SCG5: variants seen among roughly 807,000 people sequenced by gnomAD.
The protein encoded by SCG5 is neuroendocrine protein 7B2.
SCG5 carries 18 observed loss-of-function variants against 25.7 expected under a neutral mutation model. That is an observed-to-expected ratio of 0.70 (90% CI 0.48 to 1.04). The LOEUF is 1.04. SCG5 is among the 50% of genes least tolerant of loss of function. The pLI, the probability that SCG5 is intolerant of heterozygous loss-of-function variation, is 0.00. For synonymous variants in SCG5, 101 were observed against 91.7 expected (o/e 1.10, Z -0.58); for missense variants, 206 against 259.8 (o/e 0.79, Z 1.42).
At chr15:32,660,933 A>G (rs1318651061) in intron 2 of SCG5, among the ~76,000 whole-genome samples, 1 of 152,250 alleles carries the variant, frequency 6.6e-6, no homozygotes, top group Non-Finnish European at 1.5e-5. Flanking sequence ...TAATTGAGAT[A>G]TAATTTAAAG....
chr15:32,643,681 G>C lies in SCG5; in HGVS notation c.89G>C (p.Arg30Pro), dbSNP rs373839348. Residue 30 changes from arginine (R) to proline (P), a missense_variant, in exon 2 of 6, where the codon CGG becomes CCG. Coordinates refer to ENST00000300175, the MANE Select transcript of SCG5 (RefSeq NM_001144757.3). ...ACTCCAGCATTTGCTTACAGCCCCC[G>C]GACCCCTGACCGGGTCTCAGAAGCA... ...GWTPAFAYSP[R>P]TPDRVSEADI... 4 of 1,613,842 alleles carry C rather than the reference G, an allele frequency of 2.5e-6. No individual in the cohort carries two copies. In the Admixed American group the frequency reaches 6.7e-5, roughly 27 times the overall value.
chr15:32,680,856 G>T (rs2054607945), intron 3 of SCG5, among the ~76,000 whole-genome samples: 1 of 152,162 alleles, frequency 6.6e-6, no homozygotes, highest in Non-Finnish European at 1.5e-5. Flanking sequence ...CTTACATCCG[G>T]CTTTGAGCAG....
chr15:32,656,902 C>T (rs1356895951), intron 2 of SCG5, among the ~76,000 whole-genome samples: 7 of 151,576 alleles, frequency 4.6e-5, no homozygotes, highest in African/African-American at 1.5e-4. Flanking sequence ...GGGGCACTGG[C>T]GGTGGAGGCT....
At chr15:32,657,606 CA>C (rs2054146128) in intron 2 of SCG5, among the ~76,000 whole-genome samples, 2 of 152,066 alleles carry the variant, frequency 1.3e-5, no homozygotes, top group African/African-American at 4.8e-5. Flanking sequence ...GTGGATATAG[CA>C]GATGTCAGTG....
At chr15:32,673,789 A>T (rs1471711653) in intron 2 of SCG5, among the ~76,000 whole-genome samples, 3 of 152,122 alleles carry the variant, frequency 2.0e-5, no homozygotes, top group Non-Finnish European at 2.9e-5. Flanking sequence ...GCTGGAGTGC[A>T]GTGGCATGAT....
At chr15:32,676,026 C>T in intron 2 of SCG5, among the ~76,000 whole-genome samples, 1 of 152,236 alleles carries the variant, frequency 6.6e-6, no homozygotes, top group East Asian at 1.9e-4. Context: ...TCAATATAAC[C>T]TAAATATTAT....
intron 2 of SCG5, among the ~76,000 whole-genome samples, chr15:32,655,912 A>G (rs539952330): frequency 1.3e-5 from 2 of 152,346 alleles, no homozygotes; most frequent in Non-Finnish European, 2.9e-5. Context: ...AGCAGCCTGA[A>G]TGGACCAAGA....
At chr15:32,648,632 A>G (rs148523266) in intron 2 of SCG5, among the ~76,000 whole-genome samples, 1 of 152,012 alleles carries the variant, frequency 6.6e-6, no homozygotes, top group Non-Finnish European at 1.5e-5. Flanking sequence ...AAGGCTATCA[A>G]CACATTGGAT....
intron 5 of SCG5, among the ~76,000 whole-genome samples, chr15:32,694,167 T>C (rs554416722): frequency 6.6e-6 from 1 of 152,190 alleles, no homozygotes; most frequent in South Asian, 2.1e-4. Context: ...TATTCCTAAG[T>C]GCTGGATTCA....
At chr15:32,692,057 A>G in intron 5 of SCG5, 1 of 1,246,236 alleles carries the variant, frequency 8.0e-7, no homozygotes, top group Non-Finnish European at 1.0e-6. Context: ...TGTGGGACAT[A>G]TCTGGGGGGA....
chr15:32,693,497 C>T (rs190542683), intron 5 of SCG5, among the ~76,000 whole-genome samples: 2 of 152,326 alleles, frequency 1.3e-5, no homozygotes, highest in Admixed American at 6.5e-5. Context: ...TAAGGAAGCA[C>T]GTTGGCCCTG....
intron 5 of SCG5, among the ~76,000 whole-genome samples, chr15:32,693,270 T>A (rs2054894543): frequency 6.6e-6 from 1 of 152,178 alleles, no homozygotes; most frequent in African/African-American, 2.4e-5. Context: ...ATTTAGGTCA[T>A]TTTTCCGTGA....
intron 2 of SCG5, among the ~76,000 whole-genome samples, chr15:32,676,425 T>G (rs2054531563): frequency 6.6e-6 from 1 of 152,216 alleles, no homozygotes; most frequent in South Asian, 2.1e-4. Flanking sequence ...TTGAGCCAAG[T>G]TGGATAATTC....
chr15:32,663,068 TATATATATATAA>T (rs1487598274), intron 2 of SCG5, among the ~76,000 whole-genome samples: 4 of 53,932 alleles, frequency 7.4e-5, no homozygotes, highest in African/African-American at 2.4e-4. Context: ...TATATATATA[TATATATATATAA>T]TATATAATAT....
intron 4 of SCG5, among the ~76,000 whole-genome samples, chr15:32,690,490 C>T (rs1024452479): frequency 6.6e-6 from 1 of 152,238 alleles, no homozygotes; most frequent in Non-Finnish European, 1.5e-5. Context: ...TGCCTTTTCT[C>T]CCTTCCGATA....
Position 32,684,568 on chromosome 15 carries a change from T to C in SCG5, c.388T>C (p.Cys130Arg), listed in dbSNP as rs1205137308. ...TTGGCTGTTTGCAGCAGATGATGGA[T>C]GTCTAGAAAACACCCCTGACACTGC... ...CPVGKTADDGCLENTPDTAEF... is the reference protein window; with the variant it reads ...CPVGKTADDGRLENTPDTAEF... The change falls in exon 4 of 6, where the codon TGT becomes CGT. Residue 130 changes from cysteine (C) to arginine (R), a missense_variant. Physicochemically the swap from Cys to Arg is radical, Grantham distance 180. Transcript: ENST00000300175. 1 of 1,611,300 alleles carries C rather than the reference T, an allele frequency of 6.2e-7. No homozygotes were observed. The highest frequency in any genetic ancestry group is 8.5e-7 in the Non-Finnish European group (1 of 1,177,850).
At chr15:32,677,356 T>C (rs2054548599) in intron 2 of SCG5, among the ~76,000 whole-genome samples, 1 of 152,228 alleles carries the variant, frequency 6.6e-6, no homozygotes, top group African/African-American at 2.4e-5. Flanking sequence ...GCCAGAGTGA[T>C]GCAATGTCAC....
In SCG5 at chr15:32,696,505, G is replaced by A. The variant is rs370203883; in HGVS notation, c.544-9G>A. ...CAAACCACATGGTTTTTGTTTGTTT[G>A]TTTTTCAGAGTGTCAATCCATATCT... is the stretch of plus-strand genomic sequence containing the variant. On this transcript the variant is annotated splice_polypyrimidine_tract_variant and intron_variant, in intron 5 of 5. Transcript: ENST00000300175. 1.6e-5 allele frequency: 25 copies of A among 1,595,504 alleles called. No individual in the cohort carries two copies. Among genetic ancestry groups the A allele is most frequent in the Non-Finnish European group, 2.1e-5 (24 of 1,165,010 alleles).
chr15:32,671,871 G>T (rs972436082), intron 2 of SCG5, among the ~76,000 whole-genome samples: 1 of 151,966 alleles, frequency 6.6e-6, no homozygotes, highest in African/African-American at 2.4e-5. Context: ...CCCCTTCCTC[G>T]CCCCACTCCG....
Sources: gnomAD v4.1 joint callset for allele counts (sites outside exome capture counted in the v4.1 genomes callset) on GRCh38, gnomAD v4.1.1 for gene constraint, MANE v1.5 for transcripts, NCBI Gene and HGNC (gene_info 2026-07-23, HGNC 2026-07-21) for gene names.